The following STXBP2 variants were observed in gnomAD, a reference collection of about 807,000 sequenced individuals.
STXBP2 encodes syntaxin binding protein 2.
Under a neutral mutation model 72.2 loss-of-function variants are expected in STXBP2, and 47 were observed. That is an observed-to-expected ratio of 0.65 (90% confidence interval 0.51 to 0.83). The LOEUF is 0.83. STXBP2 is among the 40% of genes least tolerant of loss of function. The pLI, the probability that STXBP2 is intolerant of heterozygous loss-of-function variation, is 0.00. For missense variants in STXBP2, 702 were observed against 807.6 expected, an observed-to-expected ratio of 0.87 and a Z score of 1.58; for synonymous variants, 367 against 338.7, an observed-to-expected ratio of 1.08 and a Z score of -0.92.
chr19:7,629,932 T>TG, the STXBP2 span: 1 of 1,431,130 alleles, frequency 7.0e-7, no homozygotes. Flanking sequence ...AGGTTGGAAA[T>TG]GGGGGGACTT....
chr19:7,629,962 A>G, the STXBP2 span: 192 of 1,327,214 alleles, frequency 1.4e-4, no homozygotes, highest in Non-Finnish European at 1.7e-4. Context: ...AGGGAGCTCC[A>G]AGGAGAAAGC....
intron 1 of STXBP2, 104 bp from the exon 2 acceptor site, chr19:7,638,622 A>G: frequency 7.9e-7 from 1 of 1,269,376 alleles, no homozygotes; most frequent in Non-Finnish European, 1.1e-6. Flanking sequence ...AAAAAAAAGT[A>G]AATGGGAATT....
chr19:7,643,362 G>A, intron 13 of STXBP2, 117 bp downstream of exon 13: 1 of 1,167,144 alleles, frequency 8.6e-7, no homozygotes, highest in South Asian at 1.3e-5. Flanking sequence ...GTGGAGAGGT[G>A]GAGGGGCCTT....
At chr19:7,630,935 C>A in the STXBP2 span, 11 of 1,464,800 alleles carry the variant, frequency 7.5e-6, no homozygotes, top group African/African-American at 1.4e-5. Flanking sequence ...TTAGGCCAGG[C>A]GCAGTGGCTC....
At chr19:7,647,126 T>C in intron 16 of STXBP2, 36 bp from the exon 17 acceptor site, 1 of 1,608,230 alleles carries the variant, frequency 6.2e-7, no homozygotes, top group East Asian at 2.2e-5. Context: ...ACCCCATGCC[T>C]GGGGTTCCTC....
At chr19:7,647,590 A>G in intron 18 of STXBP2, 79 bp downstream of exon 18, 1 of 1,586,948 alleles carries the variant, frequency 6.3e-7, no homozygotes, top group South Asian at 1.1e-5. Context: ...AGGTGTCTGG[A>G]CTCCAGAGTC....
At chr19:7,632,606 T>C, upstream of STXBP2, 3 of 1,590,412 alleles carry the variant, frequency 1.9e-6, no homozygotes, top group Non-Finnish European at 2.6e-6. The surrounding 1 kb of genome is among the most constrained non-coding windows in gnomAD (Gnocchi z 5.2). Context: ...TGCTTCAGGG[T>C]GCACAACCAC....
upstream of STXBP2, chr19:7,632,043 A>C: frequency 2.0e-6 from 1 of 493,418 alleles, no homozygotes; most frequent in South Asian, 4.2e-5. This position sits in a 1 kb window ranked among gnomAD's most constrained non-coding sequence, Gnocchi z 5.2. Flanking sequence ...GTGTGAAGTC[A>C]ACAGATGTGA....
At chr19:7,632,242 A>G, upstream of STXBP2, 1 of 1,245,136 alleles carries the variant, frequency 8.0e-7, no homozygotes, top group South Asian at 1.4e-5. The surrounding 1 kb of genome is among the most constrained non-coding windows in gnomAD (Gnocchi z 5.2). Flanking sequence ...CCCTCTAGCC[A>G]CTGCCTGGGC....
chr19:7,642,565 C>CA lies in STXBP2; in HGVS notation c.902+29_902+30insA, dbSNP rs1568468083. ...CGTGCACACGGGGACCGGATCCCCC[C>CA]CCCACCGCCCACTGTGGGCCTGGTA... On this transcript the variant is annotated intron_variant, in intron 10 of 18. Transcript: ENST00000221283. This position sits in a 1 kb window ranked among gnomAD's most constrained non-coding sequence, Gnocchi z 6.0. 1.2e-6 allele frequency: 2 copies of CA among 1,610,300 alleles called. No individual in the cohort carries two copies. The highest frequency in any genetic ancestry group is 3.3e-5 in the Admixed American group (2 of 60,026).
In STXBP2 at chr19:7,643,264, G is replaced by C. The variant is rs766231044; in HGVS notation, c.1107+19G>C. 4.3e-6 allele frequency: 7 copies of C among 1,612,038 alleles called. No individual in the cohort carries two copies. In the South Asian group the frequency reaches 6.6e-5, roughly 15 times the overall value. On this transcript the variant is annotated intron_variant, in intron 13 of 18. Transcript: ENST00000221283. ...GGAGCAGGTGGGGCAGGGCTTGCGG[G>C]GGGCAGGGGTGATGGTCCTGCCAAG...
the STXBP2 span, chr19:7,631,645 A>T: frequency 6.9e-7 from 1 of 1,451,522 alleles, no homozygotes; most frequent in Admixed American, 2.4e-5. Context: ...TTATTCTTTT[A>T]TCAGTTTTTG....
In STXBP2 at chr19:7,637,112, G is replaced by A; in HGVS notation, c.-38G>A. 8.1e-7 allele frequency: 1 copy of A among 1,234,482 alleles called. No individual in the cohort carries two copies. 76.5% of individuals were successfully genotyped at this position (1,234,482 alleles called of 1,614,324 possible). On this transcript the variant is annotated 5_prime_UTR_variant, in exon 1 of 19. Coordinates refer to ENST00000221283, the MANE Select transcript of STXBP2 (RefSeq NM_006949.4). ...GCGCGGGGCCACGCCCCCACCTTGGGACACACCCGGAAGCGGCGGCGGCGC... is the reference window on the plus strand; with the variant it reads ...GCGCGGGGCCACGCCCCCACCTTGGAACACACCCGGAAGCGGCGGCGGCGC...
the STXBP2 span, chr19:7,630,655 G>A: frequency 1.2e-5 from 18 of 1,536,920 alleles, no homozygotes; most frequent in Non-Finnish European, 1.5e-5. Context: ...GTCATACAGC[G>A]CAAGGTGGGC....
intron 6 of STXBP2, among the ~76,000 whole-genome samples, chr19:7,641,480 C>T (rs1356426518): frequency 6.6e-6 from 1 of 152,176 alleles, no homozygotes; most frequent in Non-Finnish European, 1.5e-5. Flanking sequence ...GCGTAGAGCG[C>T]ACCGCGGGGT....
At chr19:7,634,318 G>A (rs181357038), upstream of STXBP2, among the ~76,000 whole-genome samples, 587 of 152,178 alleles carry the variant, frequency 3.9e-3, 1 homozygote, top group Middle Eastern at 6.8e-3. Context: ...TCCCCAAGAC[G>A]CCTTTACGGA....
At chr19:7,632,891 C>G, upstream of STXBP2, 1 of 1,530,268 alleles carries the variant, frequency 6.5e-7, no homozygotes, top group Admixed American at 2.0e-5. This position sits in a 1 kb window ranked among gnomAD's most constrained non-coding sequence, Gnocchi z 5.2. Flanking sequence ...CCCCAAACTT[C>G]CTAGCCAGCT....
At chr19:7,641,599 A>C (rs559240953) in intron 6 of STXBP2, 106 bp from the exon 7 acceptor site, 70 of 1,485,236 alleles carry the variant, frequency 4.7e-5, no homozygotes, top group Middle Eastern at 2.4e-4. Flanking sequence ...AGCAGGCTTC[A>C]GGGACCAGGG....
Position 7,642,559 on chromosome 19 carries a change from T to TC in STXBP2, c.902+32dup, listed in dbSNP as rs145351567. 22,230 of 1,563,238 alleles carry TC rather than the reference T, an allele frequency of 0.014. 663 individuals are homozygous for TC. The Admixed American group carries it at 0.15, about 10-fold the overall frequency. The stretch of plus-strand genomic sequence containing the variant: ...CAAGTGCGTGCACACGGGGACCGGA[T>TC]CCCCCCCCCACCGCCCACTGTGGGC... On this transcript the variant is annotated intron_variant, in intron 10 of 18. Transcript: ENST00000221283. The surrounding 1 kb of genome is among the most constrained non-coding windows in gnomAD (Gnocchi z 6.0).
Sources: gnomAD v4.1 joint callset for allele counts (sites outside exome capture counted in the v4.1 genomes callset) on GRCh38, gnomAD v4.1.1 for gene constraint, Gnocchi (gnomAD v3.1) non-coding constraint, MANE v1.5 for transcripts, NCBI Gene and HGNC (gene_info 2026-07-23, HGNC 2026-07-21) for gene names.